PDZD2: variants seen among roughly 807,000 people sequenced by gnomAD.
The protein encoded by PDZD2 is PDZ domain containing 2.
PDZD2 carries 90 observed loss-of-function variants against 220.7 expected under a neutral mutation model. The ratio of observed to expected loss-of-function variants is 0.41; its 90% CI spans 0.34 to 0.49. PDZD2 has a LOEUF of 0.49. Among genes scored for constraint, PDZD2 ranks in the 20% least tolerant of loss-of-function variants. PDZD2 has a pLI of 0.28. For missense variants in PDZD2, 3,174 were observed against 3,608.5 expected (o/e 0.88, Z 3.08); for synonymous variants, 1,375 against 1,450.5 (o/e 0.95, Z 1.18).
At chr5:31,809,133 T>C (rs1388120362) in intron 2 of PDZD2, among the ~76,000 whole-genome samples, 1 of 152,218 alleles carries the variant, frequency 6.6e-6, no homozygotes, top group Non-Finnish European at 1.5e-5. Context: ...GTGTAGCTTA[T>C]AGCTGCCTCC....
chr5:31,855,538 C>G (rs1171580650), intron 2 of PDZD2, among the ~76,000 whole-genome samples: 1 of 152,178 alleles, frequency 6.6e-6, no homozygotes, highest in Non-Finnish European at 1.5e-5. Flanking sequence ...GGGCCTGTGC[C>G]GTTGAAGCCC....
rs370613270 is a variant in PDZD2, at chr5:32,098,562, C to T, written c.8146C>T (p.Arg2716Trp). ...KGMDQPRPSARQEPPTANGKG... is the reference protein window; with the variant it reads ...KGMDQPRPSAWQEPPTANGKG... ...GATGGATCAGCCCAGGCCCTCTGCCCGGCAGGAGCCTCCCACAGCCAATGG... is the reference window on the plus strand; with the variant it reads ...GATGGATCAGCCCAGGCCCTCTGCCTGGCAGGAGCCTCCCACAGCCAATGG... Residue 2716 changes from arginine (R) to tryptophan (W), a missense_variant, in exon 23 of 25, where the codon CGG (arginine) becomes TGG (tryptophan). By Grantham distance (101) the Arg-to-Trp change is moderately radical. Coordinates refer to ENST00000438447, the MANE Select transcript of PDZD2 (RefSeq NM_178140.4). The surrounding 1 kb of genome is among the most constrained non-coding windows in gnomAD (Gnocchi z 4.1). 39 of 1,613,934 alleles carry T rather than the reference C, an allele frequency of 2.4e-5. No individual in the cohort carries two copies. Among genetic ancestry groups the T allele is most frequent in the South Asian group, 1.4e-4 (13 of 91,078 alleles).
chr5:31,919,358 CTTT>C (rs11349783), intron 2 of PDZD2, among the ~76,000 whole-genome samples: 4 of 140,584 alleles, frequency 2.8e-5, no homozygotes, highest in Non-Finnish European at 3.1e-5. Flanking sequence ...ATTGTCTTGT[CTTT>C]TTTTTTTTTT....
chr5:31,931,928 A>T (rs550452604), intron 2 of PDZD2, among the ~76,000 whole-genome samples: 5 of 152,166 alleles, frequency 3.3e-5, no homozygotes, highest in African/African-American at 1.2e-4. Context: ...GTGATTCTGA[A>T]CCCTTTCCAT....
rs143172839 is a variant in PDZD2 at position 31,821,615 on chromosome 5, G to A, written c.476+21891G>A. Among the ~76,000 whole-genome samples the A allele has an allele frequency of 3.8e-3, 580 of 152,142 alleles. 5 individuals are homozygous for A. Among genetic ancestry groups the A allele is most frequent in the African/African-American group, 0.013 (527 of 41,504 alleles). ...AGGATGGTCTCGATCTTTTGACCTCGTGATCTACCCGCCTCGGCCTCCCAA... is the reference window on the plus strand; with the variant it reads ...AGGATGGTCTCGATCTTTTGACCTCATGATCTACCCGCCTCGGCCTCCCAA... On this transcript the variant is annotated intron_variant, in intron 2 of 24. Transcript: ENST00000438447.
rs376131622 is a variant in PDZD2, at chr5:31,954,912, G to C, written c.477-28243G>C. ...AGATCGCGCCATTGCACTCCAGCCTGGGGGACAGAGAGAGACTCTGTCTCA... is the reference window on the plus strand; with the variant it reads ...AGATCGCGCCATTGCACTCCAGCCTCGGGGACAGAGAGAGACTCTGTCTCA... On this transcript the variant is annotated intron_variant, in intron 2 of 24. Transcript: ENST00000438447. Among the ~76,000 whole-genome samples the C allele has an allele frequency of 1.6e-3, 243 of 152,198 alleles. 2 individuals carry two copies. The highest frequency in any genetic ancestry group is 5.6e-3 in the African/African-American group (232 of 41,532).
intron 1 of PDZD2, among the ~76,000 whole-genome samples, chr5:31,740,082 A>G (rs926653106): frequency 2.0e-5 from 3 of 151,778 alleles, no homozygotes; most frequent in Non-Finnish European, 4.4e-5. Context: ...CTTTGGCTGG[A>G]CCACTTCCAC....
chr5:31,891,005 G>A (rs1481737625), intron 2 of PDZD2, among the ~76,000 whole-genome samples: 2 of 152,080 alleles, frequency 1.3e-5, no homozygotes, highest in African/African-American at 4.8e-5. Flanking sequence ...GCCCCTTGCC[G>A]CACCGTATCA....
At chr5:31,913,755 C>T (rs940006200) in intron 2 of PDZD2, among the ~76,000 whole-genome samples, 6 of 152,030 alleles carry the variant, frequency 3.9e-5, no homozygotes, top group African/African-American at 7.2e-5. Flanking sequence ...TCACTATGGC[C>T]GGGGTTTAGA....
Position 32,090,059 on chromosome 5 carries a change from G to T in PDZD2, c.6611G>T (p.Gly2204Val), listed in dbSNP as rs767937935. The T allele has an allele frequency of 6.2e-7, 1 of 1,613,482 alleles. No homozygotes were observed. Among genetic ancestry groups the T allele is most frequent in the Non-Finnish European group, 8.5e-7 (1 of 1,179,856 alleles). ...GGGGTGCCCAGAAACAGCATTCCAG[G>T]GGGCCCCTCGGGGGAGGACCATCTC... ...SRGVPRNSIPGGPSGEDHLYF... is the reference protein window; with the variant it reads ...SRGVPRNSIPVGPSGEDHLYF... The change falls in exon 20 of 25, where the codon GGG becomes GTG. Residue 2204 changes from glycine (G) to valine (V), a missense_variant. Gly to Val is a moderately radical substitution (Grantham distance 109). Around this residue, in one of 4 missense-constraint regions of PDZD2, gnomAD observed 1,861 missense variants for 2,001.0 expected, o/e 0.93. Coordinates refer to ENST00000438447, the MANE Select transcript of PDZD2 (RefSeq NM_178140.4). The surrounding 1 kb of genome is among the most constrained non-coding windows in gnomAD (Gnocchi z 4.3).
intron 2 of PDZD2, among the ~76,000 whole-genome samples, chr5:31,906,553 C>G (rs1742674068): frequency 6.6e-6 from 1 of 151,984 alleles, no homozygotes; most frequent in African/African-American, 2.4e-5. Context: ...TATTAAGAGA[C>G]TATTTATAGC....
chr5:31,823,267 C>A, intron 2 of PDZD2: 1 of 335,280 alleles, frequency 3.0e-6, no homozygotes, highest in Non-Finnish European at 5.7e-6. Context: ...GAGATCAAGA[C>A]CAGCTGGGCC....
At chr5:31,997,906 G>A (rs762806173) in intron 4 of PDZD2, among the ~76,000 whole-genome samples, 2 of 152,118 alleles carry the variant, frequency 1.3e-5, no homozygotes, top group African/African-American at 2.4e-5. Context: ...GCAGTGGCGC[G>A]ATCTCGGCTC....
intron 1 of PDZD2, among the ~76,000 whole-genome samples, chr5:31,796,103 A>G (rs909208840): frequency 1.2e-4 from 18 of 152,228 alleles, no homozygotes; most frequent in Non-Finnish European, 1.5e-4. Flanking sequence ...TGAGCCAATC[A>G]GCTTCACTAA....
chr5:31,903,293 C>CAAAA (rs202238776), intron 2 of PDZD2, among the ~76,000 whole-genome samples: 1 of 146,796 alleles, frequency 6.8e-6, no homozygotes, highest in African/African-American at 2.5e-5. Context: ...GACTCCATCT[C>CAAAA]AAAAAAAAAT....
chr5:32,002,162 T>G lies in PDZD2; in HGVS notation c.1254+1891T>G, dbSNP rs369180852. 3.9e-5 allele frequency among the ~76,000 whole-genome samples: 6 copies of G among 152,338 alleles called. 1 individual carries two copies. The East Asian group carries it at 1.2e-3, about 29-fold the overall frequency. On this transcript the variant is annotated intron_variant, in intron 5 of 24. Coordinates refer to ENST00000438447, the MANE Select transcript of PDZD2 (RefSeq NM_178140.4). ...TCCAAAAAATCTGCTTTCCTTTCTT[T>G]ACACCTTTTACCCCAAACCCTTGAC... is the stretch of plus-strand genomic sequence containing the variant.
chr5:32,035,659 A>T (rs1473007495), intron 6 of PDZD2, among the ~76,000 whole-genome samples: 2 of 151,816 alleles, frequency 1.3e-5, no homozygotes, highest in African/African-American at 4.8e-5. Flanking sequence ...AATATACAAC[A>T]TATAATTTTC....
chr5:31,650,449 C>T (rs1005915614), intron 1 of PDZD2, among the ~76,000 whole-genome samples: 7 of 152,166 alleles, frequency 4.6e-5, no homozygotes, highest in African/African-American at 1.7e-4. Context: ...AAAGTCTCTA[C>T]AGAGCCCTGA....
At chr5:31,943,730 GAGAC>G (rs1231519845) in intron 2 of PDZD2, among the ~76,000 whole-genome samples, 6 of 152,204 alleles carry the variant, frequency 3.9e-5, no homozygotes, top group African/African-American at 1.4e-4. Flanking sequence ...ATCAGACAGA[GAGAC>G]AGACAGATAT....
Sources: gnomAD v4.1 joint callset for allele counts (sites outside exome capture counted in the v4.1 genomes callset) on GRCh38, gnomAD v4.1.1 for gene constraint, gnomAD v4.1.1 regional missense constraint, Gnocchi (gnomAD v3.1) non-coding constraint, MANE v1.5 for transcripts, NCBI Gene and HGNC (gene_info 2026-07-23, HGNC 2026-07-21) for gene names.